Variants in LRRTM4 observed in about 807,000 individuals in gnomAD.
LRRTM4 encodes leucine rich repeat transmembrane neuronal 4.
Under a neutral mutation model 47.6 loss-of-function variants are expected in LRRTM4, and 25 were observed. The observed-to-expected ratio is 0.53, with a 90% CI of 0.38 to 0.73. The LOEUF (loss-of-function observed/expected upper bound fraction) is 0.73. Among genes scored for constraint, LRRTM4 ranks in the 30% least tolerant of loss-of-function variants. The probability of loss-of-function intolerance (pLI) is 0.00; values close to 1 mark genes in which losing one functional copy is unlikely to be tolerated. For synonymous variants in LRRTM4, 311 were observed against 269.5 expected (o/e 1.15, Z -1.51); for missense variants, 638 against 713.4 (o/e 0.89, Z 1.20).
At position 77,113,729 on chromosome 2, in the gene LRRTM4, T is replaced by A. The variant is rs1671313365; in HGVS notation, c.1552-364813A>T. On this transcript the variant is annotated intron_variant, in intron 3 of 3. Coordinates refer to ENST00000409884, the MANE Select transcript of LRRTM4 (RefSeq NM_001134745.3). The stretch of plus-strand genomic sequence containing the variant: ...GGTACAGAGAAGCAGCCTGAGTGGA[T>A]GGCAAAGTGACCGGTTGAGGAACTG... 4.0e-5 allele frequency among the ~76,000 whole-genome samples: 6 copies of A among 151,852 alleles called. No homozygotes were observed. The South Asian group carries it at 1.3e-3, about 32-fold the overall frequency.
intron 3 of LRRTM4, among the ~76,000 whole-genome samples, chr2:77,412,935 A>G (rs1674498075): frequency 6.6e-6 from 1 of 152,166 alleles, no homozygotes; most frequent in African/African-American, 2.4e-5. Context: ...TGAGGTTTCA[A>G]TAATACTCTC....
chr2:77,227,291 T>G (rs935163719), intron 3 of LRRTM4, among the ~76,000 whole-genome samples: 3 of 152,080 alleles, frequency 2.0e-5, no homozygotes, highest in South Asian at 2.1e-4. Flanking sequence ...TATTTTATTT[T>G]AATATTACTG....
intron 3 of LRRTM4, among the ~76,000 whole-genome samples, chr2:77,225,147 G>T (rs1419563672): frequency 6.7e-6 from 1 of 148,468 alleles, no homozygotes; most frequent in African/African-American, 2.5e-5. Flanking sequence ...CTCACTCATA[G>T]GTGGGAATTG....
Position 77,519,029 on chromosome 2 carries a change from T to G in LRRTM4, c.840A>C (p.Gln280His). 1 of 1,611,984 alleles carries G rather than the reference T, an allele frequency of 6.2e-7. No homozygotes were observed. The highest frequency in any genetic ancestry group is 1.1e-5 in the South Asian group (1 of 90,862). The change falls in exon 3 of 4, where the codon CAA becomes CAC. Residue 280 changes from glutamine (Q) to histidine (H), a missense_variant. By Grantham distance (24) the Gln-to-His change is conservative. Coordinates refer to ENST00000409884, the MANE Select transcript of LRRTM4 (RefSeq NM_001134745.3). This position sits in a 1 kb window ranked among gnomAD's most constrained non-coding sequence, Gnocchi z 4.6. ...GCTTGTTGGAATCCAAATTCAATTTTTGTAAATTGGGGAGGCATTTAAATG... is the reference window on the plus strand; with the variant it reads ...GCTTGTTGGAATCCAAATTCAATTTGTGTAAATTGGGGAGGCATTTAAATG... Reference protein sequence around the residue: ...PGTFKCLPNLQKLNLDSNKLT... With the variant: ...PGTFKCLPNLHKLNLDSNKLT...
At chr2:77,299,246 T>C (rs1352864664) in intron 3 of LRRTM4, among the ~76,000 whole-genome samples, 1 of 100,734 alleles carries the variant, frequency 9.9e-6, no homozygotes, top group Non-Finnish European at 2.0e-5. Flanking sequence ...TCTCTCTTTA[T>C]CTATATATAT....
intron 3 of LRRTM4, among the ~76,000 whole-genome samples, chr2:77,039,050 C>A (rs1044417885): frequency 6.6e-6 from 1 of 151,024 alleles, no homozygotes; most frequent in Admixed American, 6.6e-5. Flanking sequence ...ACAAGGCTAA[C>A]CATATTTACA....
chr2:77,017,392 C>G (rs1236104858), intron 3 of LRRTM4, among the ~76,000 whole-genome samples: 1 of 152,172 alleles, frequency 6.6e-6, no homozygotes, highest in African/African-American at 2.4e-5. Context: ...TTATTGGCCT[C>G]ATACATCTCC....
chr2:77,233,401 C>T (rs964921147), intron 3 of LRRTM4, among the ~76,000 whole-genome samples: 1 of 152,240 alleles, frequency 6.6e-6, no homozygotes, highest in South Asian at 2.1e-4. Context: ...TTAAAGTTAC[C>T]TCCATAATAT....
At chr2:77,382,110 G>A (rs1040683894) in intron 3 of LRRTM4, among the ~76,000 whole-genome samples, 1 of 150,240 alleles carries the variant, frequency 6.7e-6, no homozygotes, top group African/African-American at 2.5e-5. Flanking sequence ...TCTAAACTAT[G>A]GTCAAGGCTC....
At chr2:77,067,308 A>T (rs1679988180) in intron 3 of LRRTM4, among the ~76,000 whole-genome samples, 1 of 152,164 alleles carries the variant, frequency 6.6e-6, no homozygotes, top group African/African-American at 2.4e-5. Context: ...GATAAATTAC[A>T]GGTGAGATAA....
intron 3 of LRRTM4, among the ~76,000 whole-genome samples, chr2:76,887,125 G>GA (rs894254968): frequency 1.9e-4 from 29 of 150,930 alleles, no homozygotes; most frequent in African/African-American, 2.9e-4. Flanking sequence ...AAGTGTAAAT[G>GA]AAAAAAAACA....
intron 3 of LRRTM4, among the ~76,000 whole-genome samples, chr2:77,066,961 G>T (rs1679976319): frequency 6.6e-6 from 1 of 152,142 alleles, no homozygotes; most frequent in African/African-American, 2.4e-5. Context: ...TCTTTGCTTG[G>T]ATTCCCCATG....
At chr2:77,477,927 GAAAGAAAGAAAGAAAGAA>G (rs1160541489) in intron 3 of LRRTM4, among the ~76,000 whole-genome samples, 53 of 101,058 alleles carry the variant, frequency 5.2e-4, no homozygotes, top group African/African-American at 1.7e-3. Context: ...AAGAAAGAAA[GAAAGAAAGAAAGAAAGAA>G]AGAAAGAAAG....
chr2:76,887,664 T>C (rs532432639), intron 3 of LRRTM4, among the ~76,000 whole-genome samples: 1 of 132,366 alleles, frequency 7.6e-6, no homozygotes, highest in Non-Finnish European at 1.6e-5. Flanking sequence ...TATGTTTGTA[T>C]TTATATATAT....
intron 3 of LRRTM4, among the ~76,000 whole-genome samples, chr2:77,203,462 T>G (rs1674034839): frequency 6.6e-6 from 1 of 152,122 alleles, no homozygotes; most frequent in Non-Finnish European, 1.5e-5. Context: ...TGTTTACTAC[T>G]GACTGCCTTA....
At chr2:76,816,848 T>G (rs943038577) in intron 3 of LRRTM4, among the ~76,000 whole-genome samples, 3,992 of 124,758 alleles carry the variant, frequency 0.032, 154 homozygotes, top group East Asian at 0.093. Context: ...TTTTTTTTTT[T>G]TTTTTTTTTT....
intron 3 of LRRTM4, among the ~76,000 whole-genome samples, chr2:76,889,673 A>T (rs1673188705): frequency 6.6e-6 from 1 of 152,030 alleles, no homozygotes; most frequent in Admixed American, 6.6e-5. Context: ...GGAGGACAAA[A>T]TGACTGTACT....
intron 3 of LRRTM4, among the ~76,000 whole-genome samples, chr2:77,014,955 T>TA (rs1678007728): frequency 1.3e-5 from 2 of 152,224 alleles, no homozygotes; most frequent in Non-Finnish European, 2.9e-5. Flanking sequence ...GCTAGCCTAC[T>TA]GTCTTTAGTA....
chr2:77,171,124 G>A (rs1673037565), intron 3 of LRRTM4, among the ~76,000 whole-genome samples: 1 of 151,996 alleles, frequency 6.6e-6, no homozygotes, highest in Non-Finnish European at 1.5e-5. Context: ...CCAGCTTAAT[G>A]AGGAAATAAG....
Sources: allele counts gnomAD v4.1 joint callset (sites outside exome capture counted in the v4.1 genomes callset), GRCh38; gene constraint gnomAD v4.1.1; non-coding constraint Gnocchi (gnomAD v3.1); transcripts MANE v1.5; gene names NCBI Gene and HGNC (gene_info 2026-07-23, HGNC 2026-07-21).